Variants in NTNG1 observed in about 807,000 individuals in gnomAD.
The protein encoded by NTNG1 is netrin-G1.
In NTNG1, 16 loss-of-function variants were observed where a neutral mutation model predicts 54.0. The ratio of observed to expected loss-of-function variants is 0.30; its 90% CI spans 0.20 to 0.45. NTNG1 has a LOEUF of 0.45. Among genes scored for constraint, NTNG1 ranks in the 20% least tolerant of loss-of-function variants. The probability of loss-of-function intolerance (pLI) is 1.00; values close to 1 mark genes in which losing one functional copy is unlikely to be tolerated. For missense variants in NTNG1, 530 were observed against 678.7 expected, an observed-to-expected ratio of 0.78 and a Z score of 2.43; for synonymous variants, 255 against 263.1, an observed-to-expected ratio of 0.97 and a Z score of 0.30.
At chr1:107,342,419 G>A (rs1668955724) in intron 3 of NTNG1, among the ~76,000 whole-genome samples, 1 of 152,042 alleles carries the variant, frequency 6.6e-6, no homozygotes, top group Non-Finnish European at 1.5e-5. Flanking sequence ...AAAATATAAA[G>A]GAGGGCTCTG....
At chr1:107,155,863 A>AT (rs993592758) in intron 2 of NTNG1, among the ~76,000 whole-genome samples, 2 of 152,152 alleles carry the variant, frequency 1.3e-5, no homozygotes, top group Non-Finnish European at 2.9e-5. Context: ...AAAATGCTGT[A>AT]TTTTTACGTA....
intron 7 of NTNG1, among the ~76,000 whole-genome samples, chr1:107,449,125 G>A (rs1178671028): frequency 3.3e-5 from 5 of 150,466 alleles, no homozygotes; most frequent in African/African-American, 7.3e-5. Flanking sequence ...GAGCAGAACT[G>A]TACTTGTTGA....
intron 2 of NTNG1, among the ~76,000 whole-genome samples, chr1:107,248,337 A>G (rs568810819): frequency 9.2e-5 from 14 of 152,302 alleles, no homozygotes; most frequent in African/African-American, 3.4e-4. Flanking sequence ...TCACAATGCT[A>G]TTGGGTTCAC....
At chr1:107,304,772 C>A (rs1666566643) in intron 2 of NTNG1, among the ~76,000 whole-genome samples, 1 of 151,206 alleles carries the variant, frequency 6.6e-6, no homozygotes, top group Non-Finnish European at 1.5e-5. Flanking sequence ...GGGATACATA[C>A]ATGTGCAGAA....
At chr1:107,258,550 A>C (rs183411245) in intron 2 of NTNG1, among the ~76,000 whole-genome samples, 3 of 152,352 alleles carry the variant, frequency 2.0e-5, no homozygotes, top group Admixed American at 2.0e-4. Flanking sequence ...ACATGCCAGC[A>C]TTCTTCCATG....
At chr1:107,354,138 G>C (rs1166132378) in intron 3 of NTNG1, among the ~76,000 whole-genome samples, 1 of 151,998 alleles carries the variant, frequency 6.6e-6, no homozygotes. Flanking sequence ...TTGGATAACT[G>C]ATTGTTCCAG....
intron 2 of NTNG1, among the ~76,000 whole-genome samples, chr1:107,265,235 G>T (rs1663653260): frequency 1.3e-5 from 2 of 152,022 alleles, no homozygotes; most frequent in African/African-American, 2.4e-5. Flanking sequence ...ATCAGTAGGA[G>T]GATAAGGAAA....
At chr1:107,426,917 T>C (rs1674943459) in intron 5 of NTNG1, among the ~76,000 whole-genome samples, 1 of 152,094 alleles carries the variant, frequency 6.6e-6, no homozygotes, top group Admixed American at 6.6e-5. Context: ...GCTGTATTCC[T>C]AGGTATTTTA....
chr1:107,480,140 C>G (rs1678593337), intron 7 of NTNG1, among the ~76,000 whole-genome samples: 1 of 151,902 alleles, frequency 6.6e-6, no homozygotes, highest in South Asian at 2.1e-4. Flanking sequence ...GCTGGAATCA[C>G]GCACCGAGAG....
At chr1:107,343,924 C>T (rs17018807) in intron 3 of NTNG1, among the ~76,000 whole-genome samples, 11,498 of 151,974 alleles carry the variant, frequency 0.076, 558 homozygotes, top group East Asian at 0.16. Flanking sequence ...GAGACTGGCA[C>T]AATAATCAGA....
chr1:107,283,746 A>G (rs563182901), intron 2 of NTNG1, among the ~76,000 whole-genome samples: 1 of 152,270 alleles, frequency 6.6e-6, no homozygotes, highest in South Asian at 2.1e-4. Context: ...ACTTGTGCTG[A>G]AGAACCTATG....
intron 3 of NTNG1, among the ~76,000 whole-genome samples, chr1:107,389,627 TC>T (rs1419519309): frequency 6.6e-6 from 1 of 152,206 alleles, no homozygotes; most frequent in African/African-American, 2.4e-5. Flanking sequence ...GCTCACTTTT[TC>T]TTTTAAGTCT....
At chr1:107,213,897 T>C (rs558087272) in intron 2 of NTNG1, among the ~76,000 whole-genome samples, 151 of 152,282 alleles carry the variant, frequency 9.9e-4, no homozygotes, top group African/African-American at 3.2e-3. Context: ...TATTTGTGCC[T>C]TTTGCCGTTA....
At chr1:107,272,911 A>G (rs554015735) in intron 2 of NTNG1, among the ~76,000 whole-genome samples, 2 of 152,330 alleles carry the variant, frequency 1.3e-5, no homozygotes, top group East Asian at 3.9e-4. Flanking sequence ...AGCTCTGGTA[A>G]AATTGTCCAT....
chr1:107,319,337 A>T (rs1440991709), intron 2 of NTNG1, among the ~76,000 whole-genome samples: 4 of 152,132 alleles, frequency 2.6e-5, no homozygotes, highest in African/African-American at 9.7e-5. Context: ...CCTCTGATAT[A>T]AAGGAGTCAG....
At chr1:107,374,288 AG>A (rs1671096420) in intron 3 of NTNG1, among the ~76,000 whole-genome samples, 1 of 152,118 alleles carries the variant, frequency 6.6e-6, no homozygotes, top group Non-Finnish European at 1.5e-5. Flanking sequence ...AAGTCAGAAA[AG>A]TTTTGGTAAT....
chr1:107,294,731 A>C lies in NTNG1; in HGVS notation c.247-29551A>C, dbSNP rs530092385. On this transcript the variant is annotated intron_variant, in intron 2 of 7. Transcript: ENST00000370068. ...AGGGCAGAGTAGCTTTGCTTTACAG[A>C]GATTAGTGAGAGTTTGTAGTTCTTT... 3.3e-5 allele frequency among the ~76,000 whole-genome samples: 5 copies of C among 152,250 alleles called. No individual in the cohort carries two copies. In the South Asian group the frequency reaches 1.0e-3, roughly 32 times the overall value.
intron 2 of NTNG1, among the ~76,000 whole-genome samples, chr1:107,303,901 G>T (rs1194773302): frequency 6.6e-6 from 1 of 152,054 alleles, no homozygotes; most frequent in East Asian, 1.9e-4. Flanking sequence ...TGGTCAGGAT[G>T]GTCTTGATCT....
At chr1:107,223,271 C>T (rs962740338) in intron 2 of NTNG1, among the ~76,000 whole-genome samples, 5 of 151,366 alleles carry the variant, frequency 3.3e-5, no homozygotes, top group African/African-American at 4.9e-5. Context: ...TCTGTGTGTG[C>T]GCATGTGTGT....
Sources: gnomAD v4.1 joint callset for allele counts (sites outside exome capture counted in the v4.1 genomes callset) on GRCh38, gnomAD v4.1.1 for gene constraint, MANE v1.5 for transcripts, NCBI Gene and HGNC (gene_info 2026-07-23, HGNC 2026-07-21) for gene names.